VAC14: variants seen among roughly 807,000 people sequenced by gnomAD.
VAC14 encodes the protein protein VAC14 homolog.
VAC14 carries 47 observed loss-of-function variants against 85.3 expected under a neutral mutation model. The ratio of observed to expected loss-of-function variants is 0.55; its 90% CI spans 0.44 to 0.70. The LOEUF (loss-of-function observed/expected upper bound fraction) is 0.70. Among genes scored for constraint, VAC14 ranks in the 30% least tolerant of loss-of-function variants. The pLI is 0.00. For synonymous variants in VAC14, 447 were observed against 430.5 expected (o/e 1.04, Z -0.47); for missense variants, 861 against 1,004.3 (o/e 0.86, Z 1.93).
intron 1 of VAC14, among the ~76,000 whole-genome samples, chr16:70,792,148 C>A (rs2034368486): frequency 6.6e-6 from 1 of 152,126 alleles, no homozygotes; most frequent in South Asian, 2.1e-4. Context: ...AGTCAGCCAG[C>A]CTGTGGTGTG....
At position 70,735,400 on chromosome 16, in the gene VAC14, G is replaced by A. The variant is rs1414372227; in HGVS notation, c.1529-3773C>T. 2.7e-5 allele frequency among the ~76,000 whole-genome samples: 4 copies of A among 147,102 alleles called. No individual in the cohort carries two copies. In the East Asian group the frequency reaches 7.8e-4, roughly 29 times the overall value. The stretch of plus-strand genomic sequence containing the variant: ...AGCCCAAAGCACAAAACAAGAATGT[G>A]CAGAACCATCCAGAGTATTCCAAGT... On this transcript the variant is annotated intron_variant, in intron 13 of 18. Coordinates refer to ENST00000261776, the MANE Select transcript of VAC14 (RefSeq NM_018052.5).
In VAC14 at chr16:70,743,593, A is replaced by G. The variant is rs138640215; in HGVS notation, c.1528+830T>C. Among the ~76,000 whole-genome samples the G allele has an allele frequency of 5.7e-3, 867 of 152,076 alleles. 4 individuals carry two copies. Among genetic ancestry groups the G allele is most frequent in the Non-Finnish European group, 9.9e-3 (676 of 68,006 alleles). On this transcript the variant is annotated intron_variant, in intron 13 of 18. Transcript: ENST00000261776. ...CACATCTGAACATCTGAAGAACCAA[A>G]CTCCGGACACACCATCTTTAAGAGC...
At chr16:70,779,798 G>A (rs1399525089) in intron 9 of VAC14, among the ~76,000 whole-genome samples, 1 of 152,124 alleles carries the variant, frequency 6.6e-6, no homozygotes, top group African/African-American at 2.4e-5. Context: ...TACATCTGGA[G>A]TCAAATTCCA....
At chr16:70,781,805 G>A in intron 8 of VAC14, 64 bp downstream of exon 8, 1 of 1,588,100 alleles carries the variant, frequency 6.3e-7, no homozygotes, top group South Asian at 1.1e-5. Flanking sequence ...CCAGTGCAGG[G>A]TCCCTCAACT....
At chr16:70,793,305 C>T (rs2034415075) in intron 1 of VAC14, among the ~76,000 whole-genome samples, 4 of 152,170 alleles carry the variant, frequency 2.6e-5, no homozygotes, top group Admixed American at 2.6e-4. Context: ...TACTATTTGC[C>T]AGGCAACGTG....
chr16:70,689,069 G>A (rs770370203), intron 18 of VAC14: 11 of 985,530 alleles, frequency 1.1e-5, no homozygotes, highest in Non-Finnish European at 1.3e-5. Flanking sequence ...CGGCGGGGCC[G>A]GGAAGGGGGG....
At chr16:70,779,032 C>T (rs1013846822) in intron 9 of VAC14, 3 of 152,172 alleles carry the variant, frequency 2.0e-5, no homozygotes, top group African/African-American at 7.2e-5. Context: ...AAAAAGCTTT[C>T]AGCTGCTGCA....
At chr16:70,789,544 G>C (rs777199354) in intron 1 of VAC14, among the ~76,000 whole-genome samples, 3 of 152,216 alleles carry the variant, frequency 2.0e-5, no homozygotes, top group Admixed American at 6.5e-5. Context: ...CGCCTGCCAC[G>C]CGGGAGGCCC....
intron 14 of VAC14, among the ~76,000 whole-genome samples, chr16:70,708,702 G>C (rs1003206963): frequency 6.6e-6 from 1 of 152,240 alleles, no homozygotes; most frequent in Non-Finnish European, 1.5e-5. Context: ...CTCTGAAGCT[G>C]AGATAGCAGG....
chr16:70,743,243 G>A (rs112927555), intron 13 of VAC14, among the ~76,000 whole-genome samples: 4 of 152,302 alleles, frequency 2.6e-5, no homozygotes, highest in South Asian at 4.1e-4. Context: ...AGCACTCTGC[G>A]TCTAGCTAAA....
chr16:70,732,229 T>A (rs146183171), intron 13 of VAC14, among the ~76,000 whole-genome samples: 4 of 152,270 alleles, frequency 2.6e-5, no homozygotes, highest in African/African-American at 9.6e-5. Context: ...CACCGACAAA[T>A]GTTACAAAGT....
chr16:70,719,111 G>C (rs566981064), intron 14 of VAC14, among the ~76,000 whole-genome samples: 2 of 152,188 alleles, frequency 1.3e-5, no homozygotes, highest in Non-Finnish European at 2.9e-5. Context: ...CTGGCAGGTC[G>C]GGAGGGCTGG....
At chr16:70,746,170 C>T (rs893044815) in intron 12 of VAC14, among the ~76,000 whole-genome samples, 1 of 152,206 alleles carries the variant, frequency 6.6e-6, no homozygotes, top group Non-Finnish European at 1.5e-5. Context: ...CCTCCTGGTT[C>T]CTCTAGGCCA....
In VAC14 at chr16:70,697,219, C is replaced by G. The variant is rs748650255; in HGVS notation, c.1875G>C (p.Trp625Cys). 1.2e-6 allele frequency: 2 copies of G among 1,613,902 alleles called. No homozygotes were observed. Among genetic ancestry groups the G allele is most frequent in the African/African-American group, 2.7e-5 (2 of 74,954 alleles). The stretch of plus-strand genomic sequence containing the variant: ...ACACCGTGGTGACTGGGTTGTGGCA[C>G]CAGGAGCGGTACAGGCAGCAGAACA... ...QNLFCCLYRS[W>C]CHNPVTTVSL... Residue 625 changes from tryptophan to cysteine, a missense_variant, in exon 16 of 19, where the codon TGG (tryptophan) becomes TGC (cysteine). By Grantham distance (215) the Trp-to-Cys change is radical (BLOSUM62 -2). Coordinates refer to ENST00000261776, the MANE Select transcript of VAC14 (RefSeq NM_018052.5).
chr16:70,692,990 A>G lies in VAC14; in HGVS notation c.2036-19T>C, dbSNP rs1348452705. On this transcript the variant is annotated intron_variant, in intron 17 of 18. Transcript: ENST00000261776. ...CGCAGATCTGGGGTAGGCAGAGGGC[A>G]GGGGTCAGGGACCTGGCACTGCTCT... is the stretch of plus-strand genomic sequence containing the variant. 1.9e-6 allele frequency: 3 copies of G among 1,605,780 alleles called. No individual in the cohort carries two copies. Among genetic ancestry groups the G allele is most frequent in the Non-Finnish European group, 2.5e-6 (3 of 1,176,754 alleles).
intron 12 of VAC14, among the ~76,000 whole-genome samples, chr16:70,758,881 A>G (rs1291174332): frequency 6.6e-6 from 1 of 152,272 alleles, no homozygotes; most frequent in Non-Finnish European, 1.5e-5. Flanking sequence ...TTTTGACAAA[A>G]GGAATTTTCA....
At position 70,707,374 on chromosome 16, in the gene VAC14, C is replaced by T. The variant is rs1207018061; in HGVS notation, c.1662-8563G>A. On this transcript the variant is annotated intron_variant, in intron 14 of 18. Transcript: ENST00000261776. ...GTGGGAGGAGGAGGAGGATGCGGAA[C>T]TTGTTTTTCTGGGCTTTGTAGGGAG... Among the ~76,000 whole-genome samples, 2 of 152,088 alleles carry T rather than the reference C, an allele frequency of 1.3e-5. 1 individual carries two copies. Among genetic ancestry groups the T allele is most frequent in the Middle Eastern group, 6.3e-3 (2 of 316 alleles).
intron 12 of VAC14, among the ~76,000 whole-genome samples, chr16:70,758,924 G>A (rs896159707): frequency 2.6e-4 from 39 of 152,256 alleles, no homozygotes; most frequent in African/African-American, 8.4e-4. Flanking sequence ...TGGTGCTGAG[G>A]AAACAGCCAC....
At chr16:70,731,423 C>A in intron 14 of VAC14, 72 bp downstream of exon 14, 1 of 1,561,858 alleles carries the variant, frequency 6.4e-7, no homozygotes. Flanking sequence ...GCTGCTTTGA[C>A]ACTTGAATGG....
Sources: allele counts gnomAD v4.1 joint callset (sites outside exome capture counted in the v4.1 genomes callset), GRCh38; gene constraint gnomAD v4.1.1; transcripts MANE v1.5; gene names NCBI Gene and HGNC (gene_info 2026-07-23, HGNC 2026-07-21).